Variants in C1orf94 observed in about 807,000 individuals in gnomAD.
C1orf94 encodes the protein uncharacterized protein C1orf94.
Under a neutral mutation model 53.6 loss-of-function variants are expected in C1orf94, and 45 were observed. The observed-to-expected ratio is 0.84, with a 90% CI of 0.66 to 1.08. The LOEUF (loss-of-function observed/expected upper bound fraction) is 1.08, where lower values mean the gene tolerates loss of function less well. Ranked by LOEUF, C1orf94 falls within the 50% of genes least tolerant of loss-of-function variation. The pLI is 0.00. For synonymous variants in C1orf94, 304 were observed against 296.1 expected, an observed-to-expected ratio of 1.03 and a Z score of -0.27; for missense variants, 762 against 738.9, an observed-to-expected ratio of 1.03 and a Z score of -0.36.
intron 4 of C1orf94, among the ~76,000 whole-genome samples, chr1:34,207,262 GGTGTGTGTGTGTGTGTGTGTGT>G (rs58794132): frequency 4.1e-5 from 6 of 147,452 alleles, no homozygotes; most frequent in East Asian, 2.0e-4. Flanking sequence ...AGTTCTGCGG[GGTGTGTGTGTGTGTGTGTGTGT>G]GTGTGTGTGT....
At chr1:34,201,447 C>T (rs1251285943) in intron 3 of C1orf94, among the ~76,000 whole-genome samples, 1 of 152,120 alleles carries the variant, frequency 6.6e-6, no homozygotes, top group Non-Finnish European at 1.5e-5. Context: ...AAACTGAGGA[C>T]CCATTTCTGA....
At chr1:34,170,664 T>TTA (rs1642132742) in intron 1 of C1orf94, among the ~76,000 whole-genome samples, 1 of 151,748 alleles carries the variant, frequency 6.6e-6, no homozygotes, top group Non-Finnish European at 1.5e-5. Flanking sequence ...GTATCTGGCA[T>TTA]TCTCTCTCCT....
chr1:34,202,890 C>T (rs887257858), intron 4 of C1orf94, among the ~76,000 whole-genome samples: 18 of 152,074 alleles, frequency 1.2e-4, no homozygotes, highest in African/African-American at 4.1e-4. Context: ...ACAACAACAA[C>T]AACAAAATAC....
chr1:34,212,211 T>C lies in C1orf94; in HGVS notation c.1526T>C (p.Val509Ala). Residue 509 changes from valine to alanine, a missense_variant and splice_region_variant, in exon 6 of 7, where the codon GTG becomes GCG. Coordinates refer to ENST00000488417, the MANE Select transcript of C1orf94 (RefSeq NM_001134734.2). ...CCCTCTCTTCTCTGTGATGTGCAGGTGATGCCATACAACCCACAGCAGATG... is the reference window on the plus strand; with the variant it reads ...CCCTCTCTTCTCTGTGATGTGCAGGCGATGCCATACAACCCACAGCAGATG... ...HPQLGCYSQQ[V>A]MPYNPQQMGQ... is the part of the protein sequence containing the mutation. 1 of 1,608,302 alleles carries C rather than the reference T, an allele frequency of 6.2e-7. No homozygotes were observed. Among genetic ancestry groups the C allele is most frequent in the Non-Finnish European group, 8.5e-7 (1 of 1,176,976 alleles).
At chr1:34,196,613 A>C (rs982016873) in intron 1 of C1orf94, among the ~76,000 whole-genome samples, 1 of 152,128 alleles carries the variant, frequency 6.6e-6, no homozygotes, top group Admixed American at 6.5e-5. Flanking sequence ...AGTGCTTTGC[A>C]CCTCTATGAT....
intron 1 of C1orf94, among the ~76,000 whole-genome samples, chr1:34,191,054 C>A (rs1642472744): frequency 6.6e-6 from 1 of 152,128 alleles, no homozygotes; most frequent in Non-Finnish European, 1.5e-5. Context: ...TGACATGTTA[C>A]CCTGGGCTTG....
At position 34,219,048 on chromosome 1, in the gene C1orf94, T is replaced by C; in HGVS notation, c.*287T>C. ...TTTAGCTAACATGAGTGATTTTTGT[T>C]TTTGTTTTTGTTGGTAAAATAGAAG... On this transcript the variant is annotated 3_prime_UTR_variant, in exon 7 of 7. Coordinates refer to ENST00000488417, the MANE Select transcript of C1orf94 (RefSeq NM_001134734.2). 1 of 246,218 alleles carries C rather than the reference T, an allele frequency of 4.1e-6. No individual in the cohort carries two copies. The highest frequency in any genetic ancestry group is 7.7e-6 in the Non-Finnish European group (1 of 129,648). The allele number at this position is 246,218 out of a possible 1,614,324, so 15.3% of individuals were successfully genotyped here.
intron 1 of C1orf94, among the ~76,000 whole-genome samples, chr1:34,180,400 C>G (rs1200040611): frequency 1.3e-5 from 2 of 152,200 alleles, no homozygotes; most frequent in African/African-American, 4.8e-5. Flanking sequence ...GTGTCTATCA[C>G]TGAGTTTCAA....
upstream of C1orf94, among the ~76,000 whole-genome samples, chr1:34,175,201 T>A (rs1371982769): frequency 6.7e-4 from 102 of 151,422 alleles, no homozygotes; most frequent in African/African-American, 1.9e-3. Context: ...TTTTTTTTTT[T>A]TTTTTTTTTG....
rs997081354 is a variant in C1orf94, at chr1:34,177,261, C to A, written c.-529C>A. ...GGGTGGGAGTCGGGCCGTTGACGCTCGCTCTGCGAGGGGCTCCCTGGGAAC... is the reference window on the plus strand; with the variant it reads ...GGGTGGGAGTCGGGCCGTTGACGCTAGCTCTGCGAGGGGCTCCCTGGGAAC... On this transcript the variant is annotated 5_prime_UTR_variant, in exon 1 of 7. Coordinates refer to ENST00000488417, the MANE Select transcript of C1orf94 (RefSeq NM_001134734.2). Among the ~76,000 whole-genome samples the A allele has an allele frequency of 2.0e-5, 3 of 152,326 alleles. No individual in the cohort carries two copies. The highest frequency in any genetic ancestry group is 3.9e-4 in the East Asian group (2 of 5,162).
At chr1:34,205,043 A>G (rs1642769965) in intron 4 of C1orf94, among the ~76,000 whole-genome samples, 1 of 152,286 alleles carries the variant, frequency 6.6e-6, no homozygotes, top group Non-Finnish European at 1.5e-5. Context: ...CTAATTTGCA[A>G]TGGTTTGCTT....
At position 34,197,811 on chromosome 1, in the gene C1orf94, A is replaced by AAGCTCCCTG; in HGVS notation, c.917_925dup (p.Glu306_Pro308dup). ...CCGACCTCCTCCTGCACGTCCTGAC[A>AAGCTCCCTG]AGCTCCCTGAGCTCCCTGCTCAGAA... On this transcript the variant is annotated inframe_insertion, in exon 2 of 7. Coordinates refer to ENST00000488417, the MANE Select transcript of C1orf94 (RefSeq NM_001134734.2). This position sits in a 1 kb window ranked among gnomAD's most constrained non-coding sequence, Gnocchi z 4.1. 1.9e-6 allele frequency: 3 copies of AAGCTCCCTG among 1,614,182 alleles called. No homozygotes were observed. Among genetic ancestry groups the AAGCTCCCTG allele is most frequent in the Non-Finnish European group, 2.5e-6 (3 of 1,180,012 alleles).
chr1:34,194,878 G>A lies in C1orf94; in HGVS notation c.321-2347G>A, dbSNP rs1303792550. ...TTTGCAAAGTATTTGGGGAGGGGAG[G>A]CAAAAACTAGTCTGACTCCTGTGAC... On this transcript the variant is annotated intron_variant, in intron 1 of 6. Transcript: ENST00000488417. Among the ~76,000 whole-genome samples, 3 of 152,258 alleles carry A rather than the reference G, an allele frequency of 2.0e-5. No individual in the cohort carries two copies. The East Asian group carries it at 5.8e-4, about 29-fold the overall frequency.
chr1:34,172,983 G>C (rs12070960), upstream of C1orf94, among the ~76,000 whole-genome samples: 2 of 152,198 alleles, frequency 1.3e-5, no homozygotes. Context: ...ACCTACAAAA[G>C]CGTTTGAGTC....
chr1:34,200,532 AG>A (rs1311865199), intron 2 of C1orf94, among the ~76,000 whole-genome samples: 2 of 152,158 alleles, frequency 1.3e-5, no homozygotes, highest in African/African-American at 4.8e-5. Context: ...GATGATGGAC[AG>A]ATGGGTGGAT....
chr1:34,213,133 G>A (rs1381455762), intron 6 of C1orf94, among the ~76,000 whole-genome samples: 2 of 152,204 alleles, frequency 1.3e-5, no homozygotes, highest in Non-Finnish European at 2.9e-5. Flanking sequence ...GTGGTGCCCT[G>A]TCATTCCTGG....
At chr1:34,191,720 T>C (rs1642496461) in intron 1 of C1orf94, among the ~76,000 whole-genome samples, 1 of 152,124 alleles carries the variant, frequency 6.6e-6, no homozygotes, top group Non-Finnish European at 1.5e-5. Context: ...CACTAACAAT[T>C]TTCTGCTTGC....
chr1:34,215,014 G>A (rs983826406), intron 6 of C1orf94, among the ~76,000 whole-genome samples: 5 of 151,716 alleles, frequency 3.3e-5, no homozygotes, highest in Admixed American at 2.6e-4. Flanking sequence ...TGAAGTGAAC[G>A]AAAAAAAGGT....
chr1:34,193,155 G>A (rs149617041), intron 1 of C1orf94, among the ~76,000 whole-genome samples: 7 of 152,128 alleles, frequency 4.6e-5, no homozygotes, highest in East Asian at 3.9e-4. Flanking sequence ...CGATGGCAGC[G>A]AAGTGTTTGA....
Sources: gnomAD v4.1 joint callset for allele counts (sites outside exome capture counted in the v4.1 genomes callset) on GRCh38, gnomAD v4.1.1 for gene constraint, Gnocchi (gnomAD v3.1) non-coding constraint, MANE v1.5 for transcripts, NCBI Gene and HGNC (gene_info 2026-07-23, HGNC 2026-07-21) for gene names.